The following ASB7 variants were observed in gnomAD, a reference collection of about 807,000 sequenced individuals.
ASB7 encodes ankyrin repeat and SOCS box protein 7.
In ASB7, 4 loss-of-function variants were observed where a neutral mutation model predicts 32.5. The ratio of observed to expected loss-of-function variants is 0.12; its 90% CI spans 0.06 to 0.28. ASB7 has a LOEUF of 0.28. ASB7 is among the 10% of genes least tolerant of loss of function. The pLI, the probability that ASB7 is intolerant of heterozygous loss-of-function variation, is 1.00. For synonymous variants in ASB7, 172 were observed against 155.6 expected, an observed-to-expected ratio of 1.11 and a Z score of -0.78; for missense variants, 181 against 407.1, an observed-to-expected ratio of 0.44 and a Z score of 4.78.
At chr15:100,617,754 A>G (rs927774601) in intron 4 of ASB7, among the ~76,000 whole-genome samples, 1 of 152,164 alleles carries the variant, frequency 6.6e-6, no homozygotes, top group Non-Finnish European at 1.5e-5. Context: ...TTTTATGTCT[A>G]TATCTCTGAT....
chr15:100,647,996 G>A (rs910480342), intron 5 of ASB7, among the ~76,000 whole-genome samples: 1 of 152,188 alleles, frequency 6.6e-6, no homozygotes, highest in Non-Finnish European at 1.5e-5. Flanking sequence ...ATAACAGAAA[G>A]GATATGAGGC....
intron 5 of ASB7, among the ~76,000 whole-genome samples, chr15:100,644,661 C>T (rs1283757367): frequency 3.9e-5 from 6 of 152,186 alleles, no homozygotes; most frequent in East Asian, 1.9e-4. Context: ...TTAATTAACA[C>T]GTAATCACCA....
chr15:100,635,552 C>G (rs1009348673), intron 5 of ASB7, among the ~76,000 whole-genome samples: 1 of 152,126 alleles, frequency 6.6e-6, no homozygotes, highest in Non-Finnish European at 1.5e-5. Context: ...CCTGCAGTGC[C>G]CTTGTTTCTG....
chr15:100,611,484 C>CCTTTTTTTTTTTTTTTTTTT (rs2039694495), intron 3 of ASB7, among the ~76,000 whole-genome samples: 1 of 77,144 alleles, frequency 1.3e-5, no homozygotes, highest in Non-Finnish European at 2.3e-5. Flanking sequence ...TGTTTCGATT[C>CCTTTTTTTTTTTTTTTTTTT]TTTTTTTTTT....
chr15:100,644,429 G>A (rs1283882527), intron 5 of ASB7, among the ~76,000 whole-genome samples: 1 of 152,198 alleles, frequency 6.6e-6, no homozygotes, highest in Non-Finnish European at 1.5e-5. Flanking sequence ...CCCATGAATA[G>A]TGTTGAAAAA....
intron 4 of ASB7, among the ~76,000 whole-genome samples, chr15:100,615,193 C>G (rs1182451222): frequency 6.6e-6 from 1 of 152,182 alleles, no homozygotes; most frequent in Non-Finnish European, 1.5e-5. Context: ...GCGAAATCAC[C>G]TAACAACCTA....
chr15:100,615,055 A>G (rs1471075037), intron 4 of ASB7, among the ~76,000 whole-genome samples: 1 of 152,196 alleles, frequency 6.6e-6, no homozygotes. Context: ...AGTTGCCTCC[A>G]GTATTCAGTA....
At chr15:100,641,418 C>G (rs1002471513) in intron 5 of ASB7, among the ~76,000 whole-genome samples, 2 of 152,152 alleles carry the variant, frequency 1.3e-5, no homozygotes, top group Admixed American at 6.5e-5. Context: ...ATAAGCAGTC[C>G]TTATTATGCC....
intron 5 of ASB7, among the ~76,000 whole-genome samples, chr15:100,636,108 G>A (rs1227113898): frequency 3.3e-5 from 5 of 152,120 alleles, no homozygotes; most frequent in Admixed American, 6.5e-5. Flanking sequence ...TTCAGTGTTC[G>A]TCAAAATTAC....
chr15:100,642,664 A>G (rs936944258), intron 5 of ASB7, among the ~76,000 whole-genome samples: 1 of 152,226 alleles, frequency 6.6e-6, no homozygotes, highest in African/African-American at 2.4e-5. Context: ...TAAAACAACA[A>G]GAGACATTTG....
chr15:100,644,401 A>G (rs1223507632), intron 5 of ASB7, among the ~76,000 whole-genome samples: 2 of 152,228 alleles, frequency 1.3e-5, no homozygotes, highest in African/African-American at 2.4e-5. Flanking sequence ...ATGATAATTT[A>G]TTCTTTTCCT....
rs1230971948 is a variant in ASB7 at position 100,648,872 on chromosome 15, A to C, written c.*410A>C. On this transcript the variant is annotated 3_prime_UTR_variant, in exon 6 of 6. Transcript: ENST00000332783. ...TGTTAACGTTTGGAGGCACAGTTTC[A>C]CCCAGGGCGACCCTGGGTTCTTTTG... is the stretch of plus-strand genomic sequence containing the variant. The C allele has an allele frequency of 6.5e-6, 1 of 153,600 alleles. No individual in the cohort carries two copies. Among genetic ancestry groups the C allele is most frequent in the African/African-American group, 2.4e-5 (1 of 41,470 alleles). The allele number at this position is 153,600 out of a possible 1,614,324, so 9.5% of individuals were successfully genotyped here.
At chr15:100,642,238 G>C (rs1041237242) in intron 5 of ASB7, among the ~76,000 whole-genome samples, 2 of 152,066 alleles carry the variant, frequency 1.3e-5, no homozygotes, top group African/African-American at 4.8e-5. Context: ...GAGGATGGTA[G>C]CATTTCTGTC....
rs2040021841 is a variant in ASB7 at position 100,650,158 on chromosome 15, A to G, written c.*1696A>G. The G allele has an allele frequency of 6.6e-6, 1 of 152,292 alleles. No homozygotes were observed. Among genetic ancestry groups the G allele is most frequent in the Non-Finnish European group, 1.5e-5 (1 of 68,086 alleles). The allele number at this position is 152,292 out of a possible 1,614,324, so 9.4% of individuals were successfully genotyped here. On this transcript the variant is annotated 3_prime_UTR_variant, in exon 6 of 6. Transcript: ENST00000332783. Reference sequence around the variant, plus strand: ...TGGTGTGGCCCATAGACTCTTTGGCATAGACTCTTTCGCAGGCAGCCACTC... The same window carrying G: ...TGGTGTGGCCCATAGACTCTTTGGCGTAGACTCTTTCGCAGGCAGCCACTC...
At position 100,643,720 on chromosome 15, in the gene ASB7, C is replaced by T. The variant is rs1308968279; in HGVS notation, c.818-4603C>T. 2.6e-5 allele frequency among the ~76,000 whole-genome samples: 4 copies of T among 151,248 alleles called. No homozygotes were observed. The East Asian group carries it at 7.9e-4, about 30-fold the overall frequency. ...ATGTTGGCCAGGATGGTCTCAATCTCCTGACCTCGTGATCCGCCTGCCTCA... is the reference window on the plus strand; with the variant it reads ...ATGTTGGCCAGGATGGTCTCAATCTTCTGACCTCGTGATCCGCCTGCCTCA... On this transcript the variant is annotated intron_variant, in intron 5 of 5. Transcript: ENST00000332783.
At position 100,642,463 on chromosome 15, in the gene ASB7, G is replaced by A. The variant is rs556871426; in HGVS notation, c.818-5860G>A. ...TATTACATACATACAAGGCTTCCCCGTCTTCCAGCTTCTAGTAACAGTCAA... is the reference window on the plus strand; with the variant it reads ...TATTACATACATACAAGGCTTCCCCATCTTCCAGCTTCTAGTAACAGTCAA... On this transcript the variant is annotated intron_variant, in intron 5 of 5. Coordinates refer to ENST00000332783, the MANE Select transcript of ASB7 (RefSeq NM_198243.3). Among the ~76,000 whole-genome samples, 35 of 152,308 alleles carry A rather than the reference G, an allele frequency of 2.3e-4. No homozygotes were observed. In the East Asian group the frequency reaches 5.8e-3, roughly 25 times the overall value.
At position 100,650,276 on chromosome 15, in the gene ASB7, A is replaced by T. The variant is rs1334216670; in HGVS notation, c.*1814A>T. ...GTCCTCTTCCCCATAAAAATGTTCC[A>T]AAAAGTTATCTCCAGAGAGAGTCCC... On this transcript the variant is annotated 3_prime_UTR_variant, in exon 6 of 6. Coordinates refer to ENST00000332783, the MANE Select transcript of ASB7 (RefSeq NM_198243.3). 6.6e-6 allele frequency: 1 copy of T among 152,268 alleles called. No individual in the cohort carries two copies. The highest frequency in any genetic ancestry group is 1.5e-5 in the Non-Finnish European group (1 of 68,082). The allele number at this position is 152,268 out of a possible 1,614,324, so 9.4% of individuals were successfully genotyped here.
intron 3 of ASB7, among the ~76,000 whole-genome samples, chr15:100,611,760 G>A (rs1015612738): frequency 5.9e-5 from 9 of 151,546 alleles, no homozygotes; most frequent in Non-Finnish European, 1.3e-4. Context: ...GACTGTAGGC[G>A]TGAGCCACTG....
intron 4 of ASB7, among the ~76,000 whole-genome samples, chr15:100,624,019 A>G (rs942675862): frequency 6.6e-6 from 1 of 152,224 alleles, no homozygotes; most frequent in Non-Finnish European, 1.5e-5. Context: ...AGCCACATAG[A>G]TGACGAGGTC....
Sources: gnomAD v4.1 joint callset for allele counts (sites outside exome capture counted in the v4.1 genomes callset) on GRCh38, gnomAD v4.1.1 for gene constraint, MANE v1.5 for transcripts, NCBI Gene and HGNC (gene_info 2026-07-23, HGNC 2026-07-21) for gene names.